SEPTIN11: variants seen among roughly 807,000 people sequenced by gnomAD.
SEPTIN11 encodes septin 11, also known as septin-11.
Under a neutral mutation model 51.4 loss-of-function variants are expected in SEPTIN11, and 25 were observed. That is an observed-to-expected ratio of 0.49 (90% confidence interval 0.35 to 0.68). The LOEUF (loss-of-function observed/expected upper bound fraction) is 0.68. SEPTIN11 is among the 30% of genes least tolerant of loss of function. SEPTIN11 has a pLI of 0.00. For synonymous variants in SEPTIN11, 174 were observed against 184.1 expected (o/e 0.95, Z 0.44); for missense variants, 381 against 520.8 (o/e 0.73, Z 2.61).
At chr4:77,039,163 G>A (rs1560759908), downstream of SEPTIN11, 9 of 1,277,834 alleles carry the variant, frequency 7.0e-6, no homozygotes, top group African/African-American at 3.1e-5. Context: ...CTGTTCACAC[G>A]TGTTGGGGAA....
At chr4:77,020,898 AAGGC>A in intron 7 of SEPTIN11, 1 of 494,622 alleles carries the variant, frequency 2.0e-6, no homozygotes, top group Middle Eastern at 5.4e-4. Flanking sequence ...TGAGGAAACA[AAGGC>A]ACTGAAAGTG....
chr4:77,039,308 CAAT>C (rs1315867045), downstream of SEPTIN11: 1 of 1,083,852 alleles, frequency 9.2e-7, no homozygotes, highest in Non-Finnish European at 1.1e-6. Flanking sequence ...TAGTCATATT[CAAT>C]AATATTAATT....
At chr4:77,025,799 T>G (rs1489167817) in intron 7 of SEPTIN11, among the ~76,000 whole-genome samples, 1 of 152,178 alleles carries the variant, frequency 6.6e-6, no homozygotes, top group African/African-American at 2.4e-5. Context: ...CTGATCATTG[T>G]TTCCAATGTC....
intron 4 of SEPTIN11, among the ~76,000 whole-genome samples, chr4:77,012,552 G>A (rs1405552069): frequency 6.6e-6 from 1 of 152,136 alleles, no homozygotes; most frequent in East Asian, 1.9e-4. Context: ...ATGGCAACAA[G>A]AACAACCACA....
intron 7 of SEPTIN11, among the ~76,000 whole-genome samples, chr4:77,026,349 A>C (rs1726141645): frequency 6.6e-6 from 1 of 152,226 alleles, no homozygotes; most frequent in Non-Finnish European, 1.5e-5. Flanking sequence ...ATATCAAATC[A>C]CATGGGAAGC....
intron 3 of SEPTIN11, among the ~76,000 whole-genome samples, chr4:77,007,080 G>T (rs1724527454): frequency 6.6e-6 from 1 of 152,200 alleles, no homozygotes; most frequent in Admixed American, 6.5e-5. Context: ...CAGCTGAGCA[G>T]TTGCTCTTAA....
At chr4:77,002,876 A>G (rs1465056035) in intron 2 of SEPTIN11, among the ~76,000 whole-genome samples, 8 of 152,154 alleles carry the variant, frequency 5.3e-5, no homozygotes, top group Non-Finnish European at 1.0e-4. Flanking sequence ...GATGTTACAA[A>G]CGTGCAAACA....
intron 2 of SEPTIN11, among the ~76,000 whole-genome samples, chr4:76,997,357 T>C (rs1293213005): frequency 6.6e-6 from 1 of 152,216 alleles, no homozygotes; most frequent in Admixed American, 6.5e-5. Flanking sequence ...TGTGTCAGAC[T>C]TACTTTTCTT....
Position 76,992,376 on chromosome 4 carries a change from GAACTT to G in SEPTIN11, c.28-4046_28-4042del, listed in dbSNP as rs369032822. Among the ~76,000 whole-genome samples, 54 of 152,214 alleles carry G rather than the reference GAACTT, an allele frequency of 3.5e-4. 2 individuals are homozygous for G. The East Asian group carries it at 9.6e-3, about 27-fold the overall frequency. Reference sequence around the variant, plus strand: ...AATTATGCTGTCTGGGGCTACCTGGGAACTTAATATTCAGTTCATGAGATAAATTT... The same window carrying G: ...AATTATGCTGTCTGGGGCTACCTGGGAATATTCAGTTCATGAGATAAATTT... On this transcript the variant is annotated intron_variant, in intron 1 of 9. Transcript: ENST00000264893.
intron 8 of SEPTIN11, among the ~76,000 whole-genome samples, 153 bp from the exon 9 acceptor site, chr4:77,030,630 C>T (rs567293163): frequency 5.9e-5 from 9 of 152,176 alleles, no homozygotes; most frequent in South Asian, 4.1e-4. Flanking sequence ...CTCCTGACCT[C>T]GTGATCCACC....
rs1727033800 is a variant in SEPTIN11, at chr4:77,036,512, A to G, written c.*2000A>G. 2 of 1,357,060 alleles carry G rather than the reference A, an allele frequency of 1.5e-6. No homozygotes were observed. Among genetic ancestry groups the G allele is most frequent in the African/African-American group, 1.5e-5 (1 of 67,428 alleles). The allele number at this position is 1,357,060 out of a possible 1,614,324, so 84.1% of individuals were successfully genotyped here. On this transcript the variant is annotated 3_prime_UTR_variant, in exon 10 of 10. Transcript: ENST00000264893. ...TCACTAAAATTTTTTTAAAATGAGC[A>G]TAACAACGAAAGGCATCCAGCTGAC...
Position 76,984,466 on chromosome 4 carries a change from G to A in SEPTIN11, c.28-11959G>A, listed in dbSNP as rs1190619959. Among the ~76,000 whole-genome samples the A allele has an allele frequency of 6.6e-6, 1 of 152,118 alleles. No individual in the cohort carries two copies. The highest frequency in any genetic ancestry group is 1.9e-4 in the East Asian group (1 of 5,184). On this transcript the variant is annotated intron_variant, in intron 1 of 9. Transcript: ENST00000264893. The surrounding 1 kb of genome is among the most constrained non-coding windows in gnomAD (Gnocchi z 4.1). ...ATTTATATCCGGTGATAGAAATGGTGGCATCGGGAAGGAAGCGTCCCATCC... is the reference window on the plus strand; with the variant it reads ...ATTTATATCCGGTGATAGAAATGGTAGCATCGGGAAGGAAGCGTCCCATCC...
chr4:77,030,585 T>TG (rs1382075035), intron 8 of SEPTIN11, among the ~76,000 whole-genome samples, 198 bp from the exon 9 acceptor site: 1 of 151,764 alleles, frequency 6.6e-6, no homozygotes, highest in East Asian at 2.0e-4. Context: ...TTAGTAGAGA[T>TG]GGGGTTTCAC....
At chr4:77,018,294 C>CA (rs1206276796) in intron 5 of SEPTIN11, among the ~76,000 whole-genome samples, 5 of 152,026 alleles carry the variant, frequency 3.3e-5, no homozygotes, top group Admixed American at 2.0e-4. Flanking sequence ...ACTAAAAATA[C>CA]AAAAATTAGC....
chr4:76,956,605 TG>T, intron 1 of SEPTIN11, among the ~76,000 whole-genome samples: 1 of 152,326 alleles, frequency 6.6e-6, no homozygotes, highest in Admixed American at 6.5e-5. Flanking sequence ...GCCAGCCTGG[TG>T]GCAGAGGACA....
At chr4:77,014,563 GA>G (rs1462874463) in intron 4 of SEPTIN11, among the ~76,000 whole-genome samples, 1 of 151,942 alleles carries the variant, frequency 6.6e-6, no homozygotes, top group Non-Finnish European at 1.5e-5. Flanking sequence ...AGGATGGGAG[GA>G]AGTAAAAGTG....
Position 77,036,315 on chromosome 4 carries a change from G to C in SEPTIN11, c.*1803G>C. 9.7e-7 allele frequency: 1 copy of C among 1,028,082 alleles called. No homozygotes were observed. The highest frequency in any genetic ancestry group is 1.7e-5 in the African/African-American group (1 of 57,546). The allele number at this position is 1,028,082 out of a possible 1,614,324, so 63.7% of individuals were successfully genotyped here. On this transcript the variant is annotated 3_prime_UTR_variant, in exon 10 of 10. Transcript: ENST00000264893. ...TAATTCTAGTCTGGAGCTAACTGTG[G>C]AGCAGCCAAATAGTAGCTGGCATGT...
intron 1 of SEPTIN11, among the ~76,000 whole-genome samples, chr4:76,985,921 CAGGGCTT>C (rs1413356795): frequency 6.6e-6 from 1 of 152,122 alleles, no homozygotes; most frequent in African/African-American, 2.4e-5. Context: ...CATTGGATTT[CAGGGCTT>C]AGGGATGGAA....
rs560718009 is a variant in SEPTIN11, at chr4:76,961,934, C to T, written c.27+12004C>T. On this transcript the variant is annotated intron_variant, in intron 1 of 9. Coordinates refer to ENST00000264893, the MANE Select transcript of SEPTIN11 (RefSeq NM_018243.4). ...TTACACTAGTTGTAATCATCATCAT[C>T]GCCTAATTTAATGTTTTGTGAATCT... is the stretch of plus-strand genomic sequence containing the variant. Among the ~76,000 whole-genome samples the T allele has an allele frequency of 4.6e-5, 7 of 152,254 alleles. No individual in the cohort carries two copies. In the East Asian group the frequency reaches 7.7e-4, roughly 17 times the overall value.
Sources: allele counts gnomAD v4.1 joint callset (sites outside exome capture counted in the v4.1 genomes callset), GRCh38; gene constraint gnomAD v4.1.1; non-coding constraint Gnocchi (gnomAD v3.1); transcripts MANE v1.5; gene names NCBI Gene and HGNC (gene_info 2026-07-23, HGNC 2026-07-21).